NCOA3: variants seen among roughly 807,000 people sequenced by gnomAD.
NCOA3 encodes the protein nuclear receptor coactivator 3.
In NCOA3, 51 loss-of-function variants were observed where a neutral mutation model predicts 158.8. The ratio of observed to expected loss-of-function variants is 0.32; its 90% CI spans 0.26 to 0.41. NCOA3 has a LOEUF of 0.41. NCOA3 is among the 10% of genes least tolerant of loss of function. NCOA3 has a pLI of 1.00. For missense variants in NCOA3, 1,510 were observed against 1,746.6 expected (o/e 0.86, Z 2.41); for synonymous variants, 537 against 592.4 (o/e 0.91, Z 1.36).
At position 47,647,840 on chromosome 20, in the gene NCOA3, T is replaced by G. The variant is rs184752503; in HGVS notation, c.3546+474T>G. Among the ~76,000 whole-genome samples, 139 of 152,170 alleles carry G rather than the reference T, an allele frequency of 9.1e-4. 2 individuals carry two copies. The highest frequency in any genetic ancestry group is 3.2e-3 in the African/African-American group (132 of 41,538). On this transcript the variant is annotated intron_variant, in intron 18 of 22. Transcript: ENST00000371998. ...AGAAATGTTTTAAAATTCAATTGTTTTTATTGTTTATGTCTTCAAACCATA... is the reference window on the plus strand; with the variant it reads ...AGAAATGTTTTAAAATTCAATTGTTGTTATTGTTTATGTCTTCAAACCATA...
rs111350575 is a variant in NCOA3, at chr20:47,515,472, CTTTT to C, written c.-99+13468_-99+13471del. 1.7e-4 allele frequency among the ~76,000 whole-genome samples: 22 copies of C among 130,028 alleles called. No individual in the cohort carries two copies. The East Asian group carries it at 3.1e-3, about 18-fold the overall frequency. 85.3% of individuals were successfully genotyped at this position (130,028 alleles called of 152,430 possible). On this transcript the variant is annotated intron_variant, in intron 1 of 22. Coordinates refer to ENST00000371998, the MANE Select transcript of NCOA3 (RefSeq NM_181659.3). ...CCACACCCGAGCTTTTTCTTTCTTT[CTTTT>C]TTTTTTTTTTTTTTCTTTTTTTTAA...
At chr20:47,633,770 G>T in intron 9 of NCOA3, 134 bp downstream of exon 9, 1 of 995,482 alleles carries the variant, frequency 1.0e-6, no homozygotes, top group East Asian at 2.5e-5. Flanking sequence ...AGCCAAGACT[G>T]CAGGTGCACA....
intron 2 of NCOA3, among the ~76,000 whole-genome samples, chr20:47,601,863 A>T (rs937785772): frequency 6.6e-6 from 1 of 152,214 alleles, no homozygotes; most frequent in Non-Finnish European, 1.5e-5. Flanking sequence ...TATGTATTGG[A>T]CATGAGTACA....
At chr20:47,515,729 C>T (rs1335659375) in intron 1 of NCOA3, among the ~76,000 whole-genome samples, 1 of 152,096 alleles carries the variant, frequency 6.6e-6, no homozygotes, top group Non-Finnish European at 1.5e-5. Flanking sequence ...GTCCGCCCAC[C>T]TCAGCTTCCC....
At chr20:47,571,546 G>T (rs1170356681) in intron 1 of NCOA3, among the ~76,000 whole-genome samples, 1 of 151,726 alleles carries the variant, frequency 6.6e-6, no homozygotes, top group Non-Finnish European at 1.5e-5. Context: ...TCGAACTCCT[G>T]GCCTCAAGCA....
At chr20:47,537,126 A>G (rs557110555) in intron 1 of NCOA3, among the ~76,000 whole-genome samples, 6 of 152,064 alleles carry the variant, frequency 3.9e-5, no homozygotes, top group Non-Finnish European at 8.8e-5. Context: ...TTTTAAGCAA[A>G]GAAGTTCTTC....
chr20:47,545,781 C>T (rs182012289), intron 1 of NCOA3, among the ~76,000 whole-genome samples: 1 of 152,010 alleles, frequency 6.6e-6, no homozygotes, highest in Non-Finnish European at 1.5e-5. Context: ...GTGGTGTGAT[C>T]ATGGCTCATT....
At chr20:47,541,726 A>G (rs558575632) in intron 1 of NCOA3, among the ~76,000 whole-genome samples, 2 of 151,706 alleles carry the variant, frequency 1.3e-5, no homozygotes, top group African/African-American at 2.4e-5. Flanking sequence ...ACTAGACATT[A>G]TATAATTTCC....
rs72646209 is a variant in NCOA3 at position 47,653,901 on chromosome 20, G to A, written c.*484G>A. On this transcript the variant is annotated 3_prime_UTR_variant, in exon 23 of 23. Coordinates refer to ENST00000371998, the MANE Select transcript of NCOA3 (RefSeq NM_181659.3). The stretch of plus-strand genomic sequence containing the variant: ...GTTCTGTGTTGACCCTTTGTCCAGT[G>A]GAATTGGTGATTCTGAATTGTCCTT... 4.7e-3 allele frequency: 745 copies of A among 157,654 alleles called. 3 individuals are homozygous for A. The highest frequency in any genetic ancestry group is 8.1e-3 in the Non-Finnish European group (578 of 71,746). 9.8% of individuals were successfully genotyped at this position (157,654 alleles called of 1,614,324 possible).
chr20:47,518,420 GTTT>G (rs35593021), intron 1 of NCOA3, among the ~76,000 whole-genome samples: 1 of 132,896 alleles, frequency 7.5e-6, no homozygotes. Flanking sequence ...TTCTTTTTCT[GTTT>G]TTTTTTTTTT....
At chr20:47,563,055 G>A (rs1181143139) in intron 1 of NCOA3, among the ~76,000 whole-genome samples, 2 of 152,154 alleles carry the variant, frequency 1.3e-5, no homozygotes, top group Non-Finnish European at 2.9e-5. Context: ...TAAAAGTAAT[G>A]TTTATGTGAG....
In NCOA3 at chr20:47,635,589, G is replaced by T. The variant is rs777720432; in HGVS notation, c.1380G>T (p.Gly460=). ...CTTCCTACCAGAACAACAACTATGG[G>T]CTCAACATGAGTAGCCCCCCACATG... is the stretch of plus-strand genomic sequence containing the variant. ...SPSSYQNNNY[G]LNMSSPPHGS... Residue 460 remains glycine (G), a synonymous_variant, in exon 11 of 23, where the codon GGG becomes GGT. Transcript: ENST00000371998. 2 of 1,614,106 alleles carry T rather than the reference G, an allele frequency of 1.2e-6. No individual in the cohort carries two copies. Among genetic ancestry groups the T allele is most frequent in the Non-Finnish European group, 8.5e-7 (1 of 1,180,024 alleles).
intron 2 of NCOA3, among the ~76,000 whole-genome samples, chr20:47,621,986 T>A (rs1192462732): frequency 1.3e-5 from 2 of 152,058 alleles, no homozygotes; most frequent in African/African-American, 4.8e-5. Context: ...AAGATACACA[T>A]TTTTAGTAGG....
At chr20:47,542,694 G>T (rs956593101) in intron 1 of NCOA3, among the ~76,000 whole-genome samples, 3 of 152,162 alleles carry the variant, frequency 2.0e-5, no homozygotes, top group African/African-American at 7.2e-5. Context: ...AGGCATGGTG[G>T]CTCATGCCTA....
intron 2 of NCOA3, among the ~76,000 whole-genome samples, chr20:47,608,614 G>A (rs1452306270): frequency 6.8e-6 from 1 of 147,520 alleles, no homozygotes; most frequent in Non-Finnish European, 1.5e-5. Context: ...ACTCCAGCCT[G>A]GGTGACAGAG....
chr20:47,535,509 T>C (rs1164520396), intron 1 of NCOA3, among the ~76,000 whole-genome samples: 2 of 151,448 alleles, frequency 1.3e-5, no homozygotes, highest in African/African-American at 4.9e-5. Flanking sequence ...GTGCAAGGTT[T>C]TTTTGCTTTT....
intron 1 of NCOA3, among the ~76,000 whole-genome samples, chr20:47,560,015 G>C (rs1477251235): frequency 6.6e-6 from 1 of 152,032 alleles, no homozygotes. Flanking sequence ...CGAACTGCTG[G>C]CCTCAATCAG....
At chr20:47,574,016 G>GT (rs2085336431) in intron 1 of NCOA3, among the ~76,000 whole-genome samples, 1 of 152,114 alleles carries the variant, frequency 6.6e-6, no homozygotes, top group Non-Finnish European at 1.5e-5. Context: ...CATTTGTTCA[G>GT]TTTTTTTGTT....
At position 47,639,649 on chromosome 20, in the gene NCOA3, C is replaced by T. The variant is rs760437498; in HGVS notation, c.2780C>T (p.Ala927Val). The stretch of plus-strand genomic sequence containing the variant: ...GACTGGGGCTTACCAAACTCAAAGG[C>T]CGGCAGAATGGAACCTATGAATTCA... Reference protein sequence around the residue: ...SGDWGLPNSKAGRMEPMNSNS... With the variant: ...SGDWGLPNSKVGRMEPMNSNS... Residue 927 changes from alanine (A) to valine (V), a missense_variant, in exon 15 of 23, where the codon GCC (alanine) becomes GTC (valine). This residue lies in a region of NCOA3 where 1,017 missense variants were observed against 1,098.3 expected (regional missense o/e 0.93). Transcript: ENST00000371998. 7 of 1,613,782 alleles carry T rather than the reference C, an allele frequency of 4.3e-6. No homozygotes were observed. The African/African-American group carries it at 8.0e-5, about 18-fold the overall frequency.
Sources: gnomAD v4.1 joint callset for allele counts (sites outside exome capture counted in the v4.1 genomes callset) on GRCh38, gnomAD v4.1.1 for gene constraint, gnomAD v4.1.1 regional missense constraint, MANE v1.5 for transcripts, NCBI Gene and HGNC (gene_info 2026-07-23, HGNC 2026-07-21) for gene names.